The following TNFRSF8 variants were observed in gnomAD, a reference collection of about 807,000 sequenced individuals.
TNFRSF8 encodes the protein TNF receptor superfamily member 8.
In TNFRSF8, 26 loss-of-function variants were observed where a neutral mutation model predicts 70.8. That is an observed-to-expected ratio of 0.37 (90% confidence interval 0.27 to 0.51). TNFRSF8 has a LOEUF of 0.51. Among genes scored for constraint, TNFRSF8 ranks in the 20% least tolerant of loss-of-function variants. The pLI is 0.94. For missense variants in TNFRSF8, 720 were observed against 807.9 expected (o/e 0.89, Z 1.32); for synonymous variants, 356 against 339.2 (o/e 1.05, Z -0.54).
chr1:12,121,930 CATT>C (rs1641835683), intron 8 of TNFRSF8, among the ~76,000 whole-genome samples: 1 of 152,192 alleles, frequency 6.6e-6, no homozygotes, highest in South Asian at 2.1e-4. Flanking sequence ...ATATCAAAAA[CATT>C]ATGCAGAGTG....
chr1:12,111,170 TTTTG>T (rs1018949395), intron 6 of TNFRSF8, among the ~76,000 whole-genome samples: 3 of 152,134 alleles, frequency 2.0e-5, no homozygotes, highest in East Asian at 1.9e-4. Flanking sequence ...CTATGATGTC[TTTTG>T]TTTGTTTGTT....
intron 8 of TNFRSF8, among the ~76,000 whole-genome samples, chr1:12,122,421 C>T (rs1334288042): frequency 5.3e-5 from 8 of 151,608 alleles, no homozygotes; most frequent in South Asian, 2.1e-4. Context: ...CTGAGGTGGG[C>T]GGATCACTTG....
chr1:12,078,758 C>A (rs553915774), intron 1 of TNFRSF8, among the ~76,000 whole-genome samples: 107 of 152,314 alleles, frequency 7.0e-4, no homozygotes, highest in African/African-American at 2.5e-3. Context: ...CAGTCTCCCC[C>A]ATCTGTAAAA....
intron 1 of TNFRSF8, among the ~76,000 whole-genome samples, chr1:12,070,216 G>A (rs1372380703): frequency 6.6e-6 from 1 of 152,038 alleles, no homozygotes; most frequent in Non-Finnish European, 1.5e-5. Context: ...TGATCCAGGG[G>A]AGGGGTGAGC....
At chr1:12,068,344 C>T (rs573538802) in intron 1 of TNFRSF8, among the ~76,000 whole-genome samples, 1 of 152,298 alleles carries the variant, frequency 6.6e-6, no homozygotes, top group South Asian at 2.1e-4. Context: ...GTCCTCATTT[C>T]ACAGACAAGG....
intron 3 of TNFRSF8, among the ~76,000 whole-genome samples, chr1:12,102,743 C>G (rs545394067): frequency 8.5e-5 from 13 of 152,084 alleles, no homozygotes; most frequent in Non-Finnish European, 1.8e-4. Flanking sequence ...CCGGGCTGGT[C>G]TCAAACTCCT....
At chr1:12,117,573 C>T (rs1473085327) in intron 8 of TNFRSF8, among the ~76,000 whole-genome samples, 2 of 152,174 alleles carry the variant, frequency 1.3e-5, no homozygotes. Context: ...CCCATGGGCC[C>T]AGGGTTCCCT....
Position 12,123,801 on chromosome 1 carries a change from C to G in TNFRSF8, c.1127C>G (p.Ser376Cys). The G allele has an allele frequency of 6.4e-7, 1 of 1,573,864 alleles. No individual in the cohort carries two copies. The highest frequency in any genetic ancestry group is 8.6e-7 in the Non-Finnish European group (1 of 1,159,056). ...ACCAGCGCTCCCGTCGCTCTCTCCT[C>G]CACGGGGAAGCCCGTTCTGGATGCA... The part of the protein sequence containing the change: ...IPTSAPVALS[S>C]TGKPVLDAGP... Residue 376 changes from serine to cysteine, a missense_variant, in exon 10 of 15, where the codon TCC (serine) becomes TGC (cysteine). Ser to Cys is a moderately radical substitution (Grantham distance 112). Transcript: ENST00000263932.
intron 3 of TNFRSF8, among the ~76,000 whole-genome samples, chr1:12,103,582 G>T (rs184851506): frequency 6.6e-6 from 1 of 151,904 alleles, no homozygotes; most frequent in East Asian, 1.9e-4. Flanking sequence ...CGATCCTCCC[G>T]CCTCAGCCTC....
Position 12,125,165 on chromosome 1 carries a change from T to C in TNFRSF8, c.1154-786T>C, listed in dbSNP as rs182643218. Among the ~76,000 whole-genome samples the C allele has an allele frequency of 1.1e-4, 16 of 152,356 alleles. No individual in the cohort carries two copies. In the East Asian group the frequency reaches 3.1e-3, roughly 29 times the overall value. On this transcript the variant is annotated intron_variant, in intron 10 of 14. Transcript: ENST00000263932. Reference sequence around the variant, plus strand: ...CACTTAACTGGCATATACTACTTTTTAAACATCTAAACATGGACTTCAATA... The same window carrying C: ...CACTTAACTGGCATATACTACTTTTCAAACATCTAAACATGGACTTCAATA...
At chr1:12,083,244 A>C (rs1165249164) in intron 1 of TNFRSF8, among the ~76,000 whole-genome samples, 1 of 152,244 alleles carries the variant, frequency 6.6e-6, no homozygotes, top group African/African-American at 2.4e-5. Flanking sequence ...AGAAGCCTGG[A>C]TGGAGAATCT....
intron 12 of TNFRSF8, among the ~76,000 whole-genome samples, chr1:12,128,327 A>G (rs1641979249): frequency 1.3e-5 from 2 of 152,206 alleles, no homozygotes; most frequent in South Asian, 4.1e-4. Context: ...GACCTGGGGC[A>G]GAGGGTGCTC....
chr1:12,117,105 T>C (rs1420520033), intron 8 of TNFRSF8, among the ~76,000 whole-genome samples: 1 of 152,078 alleles, frequency 6.6e-6, no homozygotes, highest in Non-Finnish European at 1.5e-5. Context: ...TTTTTAGAGA[T>C]GGAGTCTCGC....
Position 12,142,461 on chromosome 1 carries a change from G to A in TNFRSF8, c.1718G>A (p.Ser573Asn). The part of the protein sequence containing the change: ...QETEPPLGSC[S>N]DVMLSVEEEG... ...ACAGAACCGCCTCTGGGCAGCTGCA[G>A]CGATGTCATGCTCTCAGTGGAAGAG... Residue 573 changes from serine (S) to asparagine (N), a missense_variant, in exon 15 of 15, where the codon AGC becomes AAC. Ser to Asn is a conservative substitution (Grantham distance 46). Transcript: ENST00000263932. The surrounding 1 kb of genome is among the most constrained non-coding windows in gnomAD (Gnocchi z 5.0). 6.2e-7 allele frequency: 1 copy of A among 1,611,098 alleles called. No individual in the cohort carries two copies. Among genetic ancestry groups the A allele is most frequent in the East Asian group, 2.2e-5 (1 of 44,782 alleles).
chr1:12,098,788 T>G (rs750618909), intron 3 of TNFRSF8, among the ~76,000 whole-genome samples: 4 of 152,180 alleles, frequency 2.6e-5, no homozygotes, highest in Non-Finnish European at 4.4e-5. Context: ...TCTGCTTAGT[T>G]TGAGTTTTGG....
Position 12,063,730 on chromosome 1 carries a change from ACG to A in TNFRSF8, c.63+71_63+72del. 3.2e-6 allele frequency: 4 copies of A among 1,236,468 alleles called. No homozygotes were observed. Among genetic ancestry groups the A allele is most frequent in the Non-Finnish European group, 4.1e-6 (4 of 977,342 alleles). 76.6% of individuals were successfully genotyped at this position (1,236,468 alleles called of 1,614,324 possible). On this transcript the variant is annotated intron_variant, in intron 1 of 14. Transcript: ENST00000263932. This position sits in a 1 kb window ranked among gnomAD's most constrained non-coding sequence, Gnocchi z 7.2. ...GCCCGGACAGTGTGGGGTGCGTGGG[ACG>A]CAAGGGAGGACACTCCTCACCCCGT...
rs1429923443 is a variant in TNFRSF8, at chr1:12,143,205, G to GC, written c.*679dup. 6.6e-6 allele frequency: 1 copy of GC among 152,498 alleles called. No individual in the cohort carries two copies. The highest frequency in any genetic ancestry group is 1.9e-4 in the East Asian group (1 of 5,196). The allele number at this position is 152,498 out of a possible 1,614,324, so 9.4% of individuals were successfully genotyped here. On this transcript the variant is annotated 3_prime_UTR_variant, in exon 15 of 15. Transcript: ENST00000263932. The surrounding 1 kb of genome is among the most constrained non-coding windows in gnomAD (Gnocchi z 4.1). ...TGCTGCCCACCTTCCCTGTCCTGTA[G>GC]CCCCCTCGGTGGGCCCAGGGCCTAG... is the stretch of plus-strand genomic sequence containing the variant.
intron 2 of TNFRSF8, among the ~76,000 whole-genome samples, chr1:12,092,526 G>A (rs1024307892): frequency 1.6e-5 from 1 of 61,722 alleles, no homozygotes; most frequent in South Asian, 5.3e-4. Flanking sequence ...TTTTTTTTTT[G>A]AGACAGAGTC....
chr1:12,126,507 A>T (rs1264867763), intron 12 of TNFRSF8, among the ~76,000 whole-genome samples: 1 of 152,100 alleles, frequency 6.6e-6, no homozygotes, highest in African/African-American at 2.4e-5. Flanking sequence ...ATGAACGTTT[A>T]AAAGTCTATC....
Sources: allele counts gnomAD v4.1 joint callset (sites outside exome capture counted in the v4.1 genomes callset), GRCh38; gene constraint gnomAD v4.1.1; non-coding constraint Gnocchi (gnomAD v3.1); transcripts MANE v1.5; gene names NCBI Gene and HGNC (gene_info 2026-07-23, HGNC 2026-07-21).